Variants in SESN1 observed in about 807,000 individuals in gnomAD.
The protein encoded by SESN1 is sestrin 1, also known as sestrin-1.
A neutral mutation model predicts 59.3 loss-of-function variants in SESN1; 30 were observed. The ratio of observed to expected loss-of-function variants is 0.51; its 90% CI spans 0.38 to 0.69. SESN1 has a LOEUF of 0.69. Ranked by LOEUF, SESN1 falls within the 30% of genes least tolerant of loss-of-function variation. SESN1 has a pLI of 0.00. For missense variants in SESN1, 566 were observed against 673.0 expected, an observed-to-expected ratio of 0.84 and a Z score of 1.76; for synonymous variants, 197 against 219.9, an observed-to-expected ratio of 0.90 and a Z score of 0.92.
chr6:109,044,079 C>T (rs1012705387), intron 1 of SESN1, among the ~76,000 whole-genome samples: 1 of 151,536 alleles, frequency 6.6e-6, no homozygotes, highest in African/African-American at 2.4e-5. Context: ...CTTTGGGAGG[C>T]CAAGGCAAGA....
intron 1 of SESN1, among the ~76,000 whole-genome samples, chr6:109,091,311 T>C (rs1781314297): frequency 6.6e-6 from 1 of 152,060 alleles, no homozygotes; most frequent in South Asian, 2.1e-4. Context: ...AGGTGTGTAG[T>C]ATCTAGGTTT....
chr6:109,056,358 C>T (rs971086337), intron 1 of SESN1, among the ~76,000 whole-genome samples: 6 of 152,160 alleles, frequency 3.9e-5, no homozygotes, highest in South Asian at 2.1e-4. Flanking sequence ...GAGCCATAAT[C>T]GTGCCACTGC....
intron 1 of SESN1, among the ~76,000 whole-genome samples, chr6:109,075,866 C>T (rs1781023218): frequency 6.6e-6 from 1 of 152,198 alleles, no homozygotes; most frequent in African/African-American, 2.4e-5. Flanking sequence ...CACCCCCTCC[C>T]CGACCCCAGA....
In SESN1 at chr6:109,019,843, T is replaced by C. The variant is rs2114367535; in HGVS notation, c.280-17500A>G. ...TGTCAATAAATTCAACTTTCAAGTATTCAATTAGATTTTAAAAATTAAACT... is the reference window on the plus strand; with the variant it reads ...TGTCAATAAATTCAACTTTCAAGTACTCAATTAGATTTTAAAAATTAAACT... On this transcript the variant is annotated intron_variant, in intron 1 of 9. Coordinates refer to ENST00000436639, the MANE Select transcript of SESN1 (RefSeq NM_014454.3). 2.0e-5 allele frequency among the ~76,000 whole-genome samples: 3 copies of C among 152,342 alleles called. No homozygotes were observed. In the Middle Eastern group the frequency reaches 0.01, roughly 518 times the overall value.
chr6:109,058,801 G>A (rs915046882), intron 1 of SESN1, among the ~76,000 whole-genome samples: 3 of 152,036 alleles, frequency 2.0e-5, no homozygotes, highest in Admixed American at 1.3e-4. Context: ...TAGGCAACTG[G>A]TTTTCACTCG....
chr6:109,008,440 T>A lies in SESN1; in HGVS notation c.280-6097A>T, dbSNP rs146344620. Among the ~76,000 whole-genome samples the A allele has an allele frequency of 2.7e-5, 4 of 150,210 alleles. No individual in the cohort carries two copies. The East Asian group carries it at 7.7e-4, about 29-fold the overall frequency. On this transcript the variant is annotated intron_variant, in intron 1 of 9. Transcript: ENST00000436639. ...TCTAATATGTCCATAAATGTTAAAA[T>A]CTCAAAAAAATATTTGGTGCTTTAC... is the stretch of plus-strand genomic sequence containing the variant.
chr6:109,030,434 G>A (rs147632263), intron 1 of SESN1, among the ~76,000 whole-genome samples: 9 of 152,182 alleles, frequency 5.9e-5, no homozygotes, highest in Non-Finnish European at 1.2e-4. Context: ...AAGGGGAAAA[G>A]ACAGTAGAAG....
intron 1 of SESN1, among the ~76,000 whole-genome samples, chr6:109,074,484 T>A (rs1438715755): frequency 1.3e-5 from 2 of 152,210 alleles, no homozygotes; most frequent in Non-Finnish European, 2.9e-5. Flanking sequence ...GTGGGTTAAA[T>A]TTTTAAAATA....
chr6:109,017,838 A>C (rs1316963626), intron 1 of SESN1, among the ~76,000 whole-genome samples: 1 of 152,194 alleles, frequency 6.6e-6, no homozygotes, highest in Admixed American at 6.5e-5. Flanking sequence ...ATGATCTCTC[A>C]AACTTTATTT....
chr6:109,086,621 G>GA (rs1781217209), intron 1 of SESN1, among the ~76,000 whole-genome samples: 1 of 152,102 alleles, frequency 6.6e-6, no homozygotes, highest in Admixed American at 6.5e-5. Flanking sequence ...TTGAAAATGA[G>GA]AAAAAATTCT....
chr6:108,990,030 C>T (rs1435392154), intron 8 of SESN1, among the ~76,000 whole-genome samples: 2 of 152,128 alleles, frequency 1.3e-5, no homozygotes, highest in African/African-American at 2.4e-5. Flanking sequence ...TAGGTTTTGA[C>T]CAGAGTCTCT....
At chr6:109,027,703 A>G (rs902801213) in intron 1 of SESN1, among the ~76,000 whole-genome samples, 1 of 152,082 alleles carries the variant, frequency 6.6e-6, no homozygotes, top group Non-Finnish European at 1.5e-5. Flanking sequence ...GAGGCTCCTA[A>G]CTATCCTGCA....
At position 108,986,841 on chromosome 6, in the gene SESN1, T is replaced by C. The variant is rs1779212161; in HGVS notation, c.*703A>G. 6.6e-6 allele frequency: 1 copy of C among 152,240 alleles called. No individual in the cohort carries two copies. Among genetic ancestry groups the C allele is most frequent in the Non-Finnish European group, 1.5e-5 (1 of 68,044 alleles). The allele number at this position is 152,240 out of a possible 1,614,324, so 9.4% of individuals were successfully genotyped here. A position where few individuals can be genotyped will look rare whatever the true frequency, so the allele number is the denominator to read the frequency against. ...CCAGCTTCTTATAATTTACACACTT[T>C]CATTTAGGATTGCTTTTTGAAGAAA... On this transcript the variant is annotated 3_prime_UTR_variant, in exon 10 of 10. Coordinates refer to ENST00000436639, the MANE Select transcript of SESN1 (RefSeq NM_014454.3).
Position 109,086,236 on chromosome 6 carries a change from A to G in SESN1, c.279+7559T>C, listed in dbSNP as rs555469113. On this transcript the variant is annotated intron_variant, in intron 1 of 9. Transcript: ENST00000436639. ...TGTGGTGGCGCATACCTGTAATCCC[A>G]GCTACTCGGGAGGCTGAGGCAGGGA... 1.1e-3 allele frequency among the ~76,000 whole-genome samples: 175 copies of G among 152,228 alleles called. 1 individual carries two copies. Among genetic ancestry groups the G allele is most frequent in the African/African-American group, 4.0e-3 (168 of 41,546 alleles).
intron 1 of SESN1, among the ~76,000 whole-genome samples, chr6:109,005,470 G>A (rs1193887492): frequency 6.6e-6 from 1 of 152,070 alleles, no homozygotes; most frequent in African/African-American, 2.4e-5. Flanking sequence ...CAGCACATAG[G>A]TTTAGAAACA....
intron 1 of SESN1, among the ~76,000 whole-genome samples, chr6:109,034,418 C>T (rs1780224190): frequency 6.6e-6 from 1 of 152,130 alleles, no homozygotes; most frequent in East Asian, 1.9e-4. Flanking sequence ...ATTTTAAATA[C>T]AATATTGAAT....
At chr6:109,044,848 A>T (rs1780398855) in intron 1 of SESN1, among the ~76,000 whole-genome samples, 1 of 152,060 alleles carries the variant, frequency 6.6e-6, no homozygotes, top group Admixed American at 6.6e-5. Flanking sequence ...ACATGAAGAA[A>T]CCCCATCTCT....
chr6:109,078,883 G>C (rs1781073651), intron 1 of SESN1, among the ~76,000 whole-genome samples: 1 of 152,088 alleles, frequency 6.6e-6, no homozygotes, highest in Non-Finnish European at 1.5e-5. Flanking sequence ...ATTTTAACAA[G>C]AGAAAGGAGC....
intron 1 of SESN1, among the ~76,000 whole-genome samples, chr6:109,073,920 C>G (rs575745502): frequency 8.3e-4 from 126 of 152,144 alleles, no homozygotes; most frequent in Non-Finnish European, 1.6e-3. Flanking sequence ...TTAAGAAAAG[C>G]ATAAACCACT....
Sources: gnomAD v4.1 joint callset for allele counts (sites outside exome capture counted in the v4.1 genomes callset) on GRCh38, gnomAD v4.1.1 for gene constraint, MANE v1.5 for transcripts, NCBI Gene and HGNC (gene_info 2026-07-23, HGNC 2026-07-21) for gene names.